CDK14: variants seen among roughly 807,000 people sequenced by gnomAD.
CDK14 encodes the protein cyclin dependent kinase 14.
A neutral mutation model predicts 60.7 loss-of-function variants in CDK14; 34 were observed. The ratio of observed to expected loss-of-function variants is 0.56; its 90% CI spans 0.43 to 0.75. CDK14 has a LOEUF of 0.75. Ranked by LOEUF, CDK14 falls within the 30% of genes least tolerant of loss-of-function variation. The pLI, the probability that CDK14 is intolerant of heterozygous loss-of-function variation, is 0.00. For synonymous variants in CDK14, 197 were observed against 203.7 expected (o/e 0.97, Z 0.28); for missense variants, 482 against 564.1 (o/e 0.85, Z 1.47).
rs570068917 is a variant in CDK14, at chr7:91,123,144, A to G, written c.*28+4936A>G. ...GTATGATATTTTTAACTATTGACTA[A>G]AGGTCCTTTTAAGGTGTGTTGCATT... On this transcript the variant is annotated intron_variant, in intron 14 of 14. Coordinates refer to ENST00000380050, the MANE Select transcript of CDK14 (RefSeq NM_001287135.2). Among the ~76,000 whole-genome samples, 4 of 152,300 alleles carry G rather than the reference A, an allele frequency of 2.6e-5. No individual in the cohort carries two copies. In the South Asian group the frequency reaches 8.3e-4, roughly 32 times the overall value.
chr7:90,796,244 T>G (rs756804354), intron 5 of CDK14, among the ~76,000 whole-genome samples: 2 of 152,140 alleles, frequency 1.3e-5, no homozygotes, highest in Non-Finnish European at 2.9e-5. Flanking sequence ...GACAAAAATC[T>G]GATATTCAGA....
intron 12 of CDK14, among the ~76,000 whole-genome samples, chr7:91,105,781 C>G (rs1236978277): frequency 1.3e-5 from 2 of 152,008 alleles, no homozygotes; most frequent in Admixed American, 6.6e-5. Flanking sequence ...AGACATACAA[C>G]TATATTTAAA....
chr7:91,189,696 GTAC>G (rs1445595798), intron 14 of CDK14, among the ~76,000 whole-genome samples: 1 of 152,102 alleles, frequency 6.6e-6, no homozygotes, highest in Non-Finnish European at 1.5e-5. Context: ...GATGTATCCA[GTAC>G]TACTATTGAT....
At chr7:90,950,052 T>C (rs1387701889) in intron 8 of CDK14, among the ~76,000 whole-genome samples, 3 of 152,250 alleles carry the variant, frequency 2.0e-5, no homozygotes, top group African/African-American at 7.2e-5. Flanking sequence ...GTTATTCGCA[T>C]TGAGGAATGT....
At chr7:90,701,944 C>T (rs933630618) in intron 2 of CDK14, among the ~76,000 whole-genome samples, 1 of 152,128 alleles carries the variant, frequency 6.6e-6, no homozygotes, top group Non-Finnish European at 1.5e-5. Context: ...CTGCCACTGG[C>T]TGCCTCTAAG....
intron 11 of CDK14, among the ~76,000 whole-genome samples, chr7:91,071,824 G>T (rs1253007175): frequency 1.3e-5 from 2 of 152,230 alleles, no homozygotes; most frequent in East Asian, 3.9e-4. Flanking sequence ...CTCTTCCCCT[G>T]CTGAAGCCAG....
At chr7:91,207,136 A>G (rs1301157504) in intron 14 of CDK14, 29 bp from the exon 15 acceptor site, 3 of 151,054 alleles carry the variant, frequency 2.0e-5, no homozygotes, top group Non-Finnish European at 4.4e-5. Flanking sequence ...GATTTTTTAT[A>G]TAACAATTTT....
intron 4 of CDK14, among the ~76,000 whole-genome samples, chr7:90,782,967 T>G (rs933674826): frequency 6.6e-6 from 1 of 152,154 alleles, no homozygotes. Flanking sequence ...CCTGGATGAT[T>G]ACTGAGGTTA....
intron 5 of CDK14, among the ~76,000 whole-genome samples, chr7:90,841,291 T>A (rs1339875204): frequency 6.6e-6 from 1 of 152,114 alleles, no homozygotes; most frequent in African/African-American, 2.4e-5. Context: ...ACATGAACTG[T>A]GGACCTCAGT....
intron 10 of CDK14, among the ~76,000 whole-genome samples, chr7:91,026,676 C>T (rs931466379): frequency 2.0e-5 from 3 of 152,204 alleles, no homozygotes; most frequent in Admixed American, 6.5e-5. Context: ...CCATTAGCTG[C>T]GTGACCTTCG....
chr7:91,171,600 T>C (rs1801520386), intron 14 of CDK14, among the ~76,000 whole-genome samples: 1 of 152,196 alleles, frequency 6.6e-6, no homozygotes, highest in Admixed American at 6.5e-5. Flanking sequence ...TCAGATTTAA[T>C]CTTTGACTAA....
At chr7:90,837,039 T>C (rs943438065) in intron 5 of CDK14, among the ~76,000 whole-genome samples, 3 of 152,128 alleles carry the variant, frequency 2.0e-5, no homozygotes, top group African/African-American at 7.2e-5. Flanking sequence ...TACAAAATCA[T>C]AAAAGCATGC....
chr7:90,597,426 T>C (rs990092569), intron 1 of CDK14: 4 of 152,178 alleles, frequency 2.6e-5, no homozygotes, highest in Non-Finnish European at 5.9e-5. Context: ...GACGAATAAA[T>C]GCATGTCACA....
At chr7:91,158,524 A>G (rs2115729984) in intron 14 of CDK14, among the ~76,000 whole-genome samples, 1 of 152,250 alleles carries the variant, frequency 6.6e-6, no homozygotes, top group East Asian at 1.9e-4. Flanking sequence ...GACATCCATT[A>G]GGTTGTTGCA....
Position 91,210,534 on chromosome 7 carries a change from T to C in CDK14, c.*3398T>C, listed in dbSNP as rs1803034972. 6.6e-6 allele frequency: 1 copy of C among 152,234 alleles called. No homozygotes were observed. Among genetic ancestry groups the C allele is most frequent in the Non-Finnish European group, 1.5e-5 (1 of 68,038 alleles). 9.4% of individuals were successfully genotyped at this position (152,234 alleles called of 1,614,324 possible). On this transcript the variant is annotated 3_prime_UTR_variant, in exon 15 of 15. Transcript: ENST00000380050. ...ATGAAAGATGTAATGGTTTGTCAGC[T>C]GTCACTGTTGTTTTCTTGTAACATG...
chr7:90,987,688 A>G (rs1163637893), intron 10 of CDK14, among the ~76,000 whole-genome samples: 1 of 152,050 alleles, frequency 6.6e-6, no homozygotes, highest in Non-Finnish European at 1.5e-5. Flanking sequence ...GGAGGAGGAA[A>G]TTTTATAAAC....
intron 5 of CDK14, among the ~76,000 whole-genome samples, chr7:90,847,460 A>T (rs1193866783): frequency 6.6e-6 from 1 of 152,120 alleles, no homozygotes; most frequent in African/African-American, 2.4e-5. Flanking sequence ...AATAATTAAT[A>T]TTAAATAAAC....
At chr7:90,625,972 G>A (rs1009058924) in intron 2 of CDK14, among the ~76,000 whole-genome samples, 1 of 152,140 alleles carries the variant, frequency 6.6e-6, no homozygotes, top group Non-Finnish European at 1.5e-5. Context: ...TAATTCCATG[G>A]GAGCTTTTCC....
chr7:91,008,729 T>C (rs1796065373), intron 10 of CDK14, among the ~76,000 whole-genome samples: 1 of 152,212 alleles, frequency 6.6e-6, no homozygotes, highest in Admixed American at 6.5e-5. Context: ...AAGGGTTTTA[T>C]ATTTAAAAGA....
Sources: gnomAD v4.1 joint callset for allele counts (sites outside exome capture counted in the v4.1 genomes callset) on GRCh38, gnomAD v4.1.1 for gene constraint, MANE v1.5 for transcripts, NCBI Gene and HGNC (gene_info 2026-07-23, HGNC 2026-07-21) for gene names.